Variants in LRRC17 observed in about 807,000 individuals in gnomAD.
LRRC17 encodes leucine-rich repeat-containing protein 17.
In LRRC17, 33 loss-of-function variants were observed where a neutral mutation model predicts 41.5. The ratio of observed to expected loss-of-function variants is 0.80; its 90% confidence interval spans 0.60 to 1.06. The LOEUF is 1.06. LRRC17 is among the 50% of genes least tolerant of loss of function. The pLI, the probability that LRRC17 is intolerant of heterozygous loss-of-function variation, is 0.00. For missense variants in LRRC17, 491 were observed against 519.3 expected, an observed-to-expected ratio of 0.95 and a Z score of 0.53; for synonymous variants, 192 against 197.0, an observed-to-expected ratio of 0.97 and a Z score of 0.21.
At chr7:102,921,696 A>AT (rs1459960650) in intron 1 of LRRC17, among the ~76,000 whole-genome samples, 1 of 152,014 alleles carries the variant, frequency 6.6e-6, no homozygotes, top group African/African-American at 2.4e-5. Context: ...AATAAAAATA[A>AT]AAAATAAAAG....
intron 1 of LRRC17, among the ~76,000 whole-genome samples, chr7:102,914,852 T>C (rs1424158365): frequency 1.3e-5 from 2 of 152,148 alleles, no homozygotes; most frequent in Admixed American, 6.5e-5. Context: ...TGGAAATGCG[T>C]TATCTTCCTC....
intron 3 of LRRC17, chr7:102,942,211 T>C (rs1821593322): frequency 1.7e-6 from 2 of 1,152,088 alleles, no homozygotes; most frequent in Non-Finnish European, 2.5e-6. Context: ...AAAAGTTCTT[T>C]TGAAACAAAA....
At chr7:102,925,301 G>A (rs140713774) in intron 1 of LRRC17, among the ~76,000 whole-genome samples, 2,010 of 152,172 alleles carry the variant, frequency 0.013, 21 homozygotes, top group Middle Eastern at 0.034. Context: ...AGGCTGAGGC[G>A]GGAGGATTGT....
intron 3 of LRRC17, among the ~76,000 whole-genome samples, chr7:102,943,625 G>A (rs545022530): frequency 6.6e-6 from 1 of 152,180 alleles, no homozygotes; most frequent in East Asian, 1.9e-4. Context: ...AAAGACTCTC[G>A]CCACTATGTA....
chr7:102,934,048 C>G lies in LRRC17; in HGVS notation c.135C>G (p.Val45=). The G allele has an allele frequency of 1.2e-6, 2 of 1,614,032 alleles. No individual in the cohort carries two copies. Among genetic ancestry groups the G allele is most frequent in the Non-Finnish European group, 1.7e-6 (2 of 1,179,960 alleles). ...AGGGRRGSNP[V]KRYAPGLPCD... ...GAGGCCGGAGAGGCTCCAACCCGGT[C>G]AAACGCTACGCACCAGGCCTCCCGT... Residue 45 remains valine, a synonymous_variant, in exon 2 of 4, where the codon GTC becomes GTG. Coordinates refer to ENST00000339431, the MANE Select transcript of LRRC17 (RefSeq NM_001031692.3).
chr7:102,933,693 TAA>T, intron 1 of LRRC17, 79 bp from the exon 2 acceptor site: 1 of 374,058 alleles, frequency 2.7e-6, no homozygotes, highest in Non-Finnish European at 4.7e-6. Context: ...GCCTTTGCCT[TAA>T]AAAGTCTGTT....
chr7:102,935,242 C>CTTTT (rs71106700), intron 2 of LRRC17, among the ~76,000 whole-genome samples: 67 of 76,420 alleles, frequency 8.8e-4, no homozygotes, highest in African/African-American at 3.6e-3. Flanking sequence ...TTTTTTCTTT[C>CTTTT]TTTTTTTTTT....
chr7:102,932,094 T>A (rs1819290419), intron 1 of LRRC17, among the ~76,000 whole-genome samples: 1 of 152,160 alleles, frequency 6.6e-6, no homozygotes, highest in East Asian at 1.9e-4. Flanking sequence ...GAAAAATGGC[T>A]TTTTTGGGCT....
At chr7:102,926,289 A>G in intron 1 of LRRC17, 1 of 1,613,696 alleles carries the variant, frequency 6.2e-7, no homozygotes, top group Non-Finnish European at 8.5e-7. Flanking sequence ...CAGGAGTCGC[A>G]TCGTCCTGTT....
At position 102,944,596 on chromosome 7, in the gene LRRC17, A is replaced by G. The variant is rs997910860; in HGVS notation, c.1315A>G (p.Ile439Val). Residue 439 changes from isoleucine (I) to valine (V), a missense_variant, in exon 4 of 4, where the codon ATA (isoleucine) becomes GTA (valine). Physicochemically the swap from Ile to Val is conservative, Grantham distance 29. Transcript: ENST00000339431. The stretch of plus-strand genomic sequence containing the variant: ...AAAGAAGCAAAGCGTAATAATTACT[A>G]TAGTAGGATAAGGTAGAAATTGTTC... ...TAKKQSVIIT[I>V]VG The G allele has an allele frequency of 2.5e-6, 4 of 1,599,574 alleles. No homozygotes were observed. Among genetic ancestry groups the G allele is most frequent in the Admixed American group, 1.8e-5 (1 of 56,674 alleles).
At chr7:102,931,825 C>G in intron 1 of LRRC17, 2 of 1,522,106 alleles carry the variant, frequency 1.3e-6, no homozygotes, top group Non-Finnish European at 1.8e-6. Context: ...TATTGGCACC[C>G]CAATGTAGCA....
chr7:102,943,230 C>T (rs1295586377), intron 3 of LRRC17, among the ~76,000 whole-genome samples: 2 of 151,990 alleles, frequency 1.3e-5, no homozygotes, highest in Non-Finnish European at 2.9e-5. Context: ...ACTGTCAGAT[C>T]ACCACCCGGC....
rs141116001 is a variant in LRRC17, at chr7:102,934,463, C to T, written c.550C>T (p.Arg184Trp). 1.8e-5 allele frequency: 29 copies of T among 1,613,906 alleles called. No homozygotes were observed. Among genetic ancestry groups the T allele is most frequent in the Admixed American group, 5.0e-5 (3 of 59,994 alleles). Residue 184 changes from arginine to tryptophan, a missense_variant, in exon 2 of 4, where the codon CGG (arginine) becomes TGG (tryptophan). Transcript: ENST00000339431. ...TTCAATGTTGCAGATTCCCAGGAAC[C>T]GGAATTTGGGGAACTACGCCAAGTG... is the stretch of plus-strand genomic sequence containing the variant. ...LISMLQIPRN[R>W]NLGNYAKCES...
chr7:102,932,721 T>C (rs1819458494), intron 1 of LRRC17, among the ~76,000 whole-genome samples: 2 of 152,064 alleles, frequency 1.3e-5, no homozygotes, highest in South Asian at 4.1e-4. Flanking sequence ...CAGCAACCCC[T>C]ACTGTCATTC....
At chr7:102,917,496 C>A (rs1816137925) in intron 1 of LRRC17, among the ~76,000 whole-genome samples, 1 of 152,198 alleles carries the variant, frequency 6.6e-6, no homozygotes, top group African/African-American at 2.4e-5. Context: ...GGAAAAATCA[C>A]TGCAGACTTC....
At chr7:102,920,944 GAGTTCGAGA>G (rs1584943503) in intron 1 of LRRC17, among the ~76,000 whole-genome samples, 1 of 152,020 alleles carries the variant, frequency 6.6e-6, no homozygotes, top group Non-Finnish European at 1.5e-5. Flanking sequence ...ACGAGGTCAG[GAGTTCGAGA>G]CCGGCCTGGC....
intron 1 of LRRC17, chr7:102,933,027 A>G (rs1819523829): frequency 6.6e-6 from 1 of 152,250 alleles, no homozygotes; most frequent in African/African-American, 2.4e-5. Context: ...ACAGTAAACA[A>G]AAGAAGTTAA....
At position 102,944,673 on chromosome 7, in the gene LRRC17, T is replaced by C; in HGVS notation, c.*66T>C. ...ATACTGGTGTTAGAAAACATATGTT[T>C]ACATTTGATTAACTGTGTTGCCTAT... is the stretch of plus-strand genomic sequence containing the variant. On this transcript the variant is annotated 3_prime_UTR_variant, in exon 4 of 4. Transcript: ENST00000339431. The C allele has an allele frequency of 7.2e-7, 1 of 1,384,858 alleles. No homozygotes were observed. Among genetic ancestry groups the C allele is most frequent in the Non-Finnish European group, 9.7e-7 (1 of 1,026,394 alleles). The allele number at this position is 1,384,858 out of a possible 1,614,324, so 85.8% of individuals were successfully genotyped here. A position where few individuals can be genotyped will look rare whatever the true frequency, so the allele number is the denominator to read the frequency against.
chr7:102,944,093 C>CTTTA, intron 3 of LRRC17, 117 bp from the exon 4 acceptor site: 2 of 800,434 alleles, frequency 2.5e-6, no homozygotes, highest in Middle Eastern at 3.8e-4. Context: ...AAAGAAATCT[C>CTTTA]TTTATTTTCA....
Sources: gnomAD v4.1 joint callset for allele counts (sites outside exome capture counted in the v4.1 genomes callset) on GRCh38, gnomAD v4.1.1 for gene constraint, MANE v1.5 for transcripts, NCBI Gene and HGNC (gene_info 2026-07-23, HGNC 2026-07-21) for gene names.